The following WLS variants were observed in gnomAD, a reference collection of about 807,000 sequenced individuals.
WLS encodes the protein protein wntless homolog.
Under a neutral mutation model 62.8 loss-of-function variants are expected in WLS, and 23 were observed. The ratio of observed to expected loss-of-function variants is 0.37; its 90% CI spans 0.26 to 0.52. The LOEUF (loss-of-function observed/expected upper bound fraction) is 0.52, where lower values mean the gene tolerates loss of function less well. Ranked by LOEUF, WLS falls within the 20% of genes least tolerant of loss-of-function variation. The pLI is 0.92. For missense variants in WLS, 615 were observed against 697.3 expected (o/e 0.88, Z 1.33); for synonymous variants, 246 against 244.1 (o/e 1.01, Z -0.07).
At position 68,145,996 on chromosome 1, in the gene WLS, A is replaced by G; in HGVS notation, c.1151T>C (p.Val384Ala). 1 of 1,614,186 alleles carries G rather than the reference A, an allele frequency of 6.2e-7. No individual in the cohort carries two copies. Residue 384 changes from valine to alanine, a missense_variant, in exon 9 of 12, where the codon GTG becomes GCG. By Grantham distance (64) the Val-to-Ala change is moderately conservative. Coordinates refer to ENST00000262348, the MANE Select transcript of WLS (RefSeq NM_024911.7). ...GTAGAGGCAGAGGCAGATTCCAGCC[A>G]CGATGATGAAGGCCATCTGGTCGTG... ...GTELAMAFIIVAGICLCLYFL... is the reference protein window; with the variant it reads ...GTELAMAFIIAAGICLCLYFL...
intron 2 of WLS, among the ~76,000 whole-genome samples, chr1:68,175,579 T>G (rs1216729760): frequency 6.6e-6 from 1 of 152,216 alleles, no homozygotes; most frequent in Admixed American, 6.5e-5. Flanking sequence ...ATTTCATGAA[T>G]GTAGAAATCT....
chr1:68,130,889 CTTTTTTTTTTT>C (rs56038722), intron 11 of WLS, among the ~76,000 whole-genome samples: 3 of 100,838 alleles, frequency 3.0e-5, no homozygotes, highest in Admixed American at 1.2e-4. Context: ...GTTTCTTCTT[CTTTTTTTTTTT>C]TTTTTTTTTT....
At chr1:68,099,557 T>C (rs1425102116) in intron 11 of WLS, among the ~76,000 whole-genome samples, 1 of 152,208 alleles carries the variant, frequency 6.6e-6, no homozygotes, top group African/African-American at 2.4e-5. Flanking sequence ...AAGTCCCTTA[T>C]GTAAAATGGC....
At chr1:68,144,428 A>T in intron 10 of WLS, 141 bp downstream of exon 10, 1 of 706,968 alleles carries the variant, frequency 1.4e-6, no homozygotes, top group Non-Finnish European at 2.2e-6. Flanking sequence ...TGATATCAAG[A>T]CCCAGAAAAA....
At chr1:68,183,885 A>C (rs1647745443) in intron 2 of WLS, among the ~76,000 whole-genome samples, 1 of 152,062 alleles carries the variant, frequency 6.6e-6, no homozygotes, top group Admixed American at 6.5e-5. Context: ...GGGGAAAGAA[A>C]AATCACTTGC....
chr1:68,189,018 A>G (rs1473109534), intron 2 of WLS, among the ~76,000 whole-genome samples: 2 of 152,236 alleles, frequency 1.3e-5, no homozygotes, highest in African/African-American at 4.8e-5. Context: ...AAAATATTAG[A>G]TGAAAAATTC....
Position 68,125,939 on chromosome 1 carries a change from C to A in WLS, c.*287G>T. Reference sequence around the variant, plus strand: ...CCCACCCCCACATGAGGTTTACTAACCAGCTGCTACAGATGTTACTATGTC... The same window carrying A: ...CCCACCCCCACATGAGGTTTACTAAACAGCTGCTACAGATGTTACTATGTC... On this transcript the variant is annotated 3_prime_UTR_variant, in exon 12 of 12. Coordinates refer to ENST00000262348, the MANE Select transcript of WLS (RefSeq NM_024911.7). 8.2e-6 allele frequency: 9 copies of A among 1,101,738 alleles called. No homozygotes were observed. The highest frequency in any genetic ancestry group is 8.9e-6 in the Non-Finnish European group (8 of 902,300). 68.2% of individuals were successfully genotyped at this position (1,101,738 alleles called of 1,614,324 possible).
intron 1 of WLS, among the ~76,000 whole-genome samples, chr1:68,205,781 A>T (rs546099357): frequency 6.6e-6 from 1 of 152,238 alleles, no homozygotes; most frequent in Non-Finnish European, 1.5e-5. Context: ...TTCTGAGATC[A>T]AAACTACAAA....
At chr1:68,132,892 G>A (rs1177127469) in intron 11 of WLS, among the ~76,000 whole-genome samples, 1 of 152,108 alleles carries the variant, frequency 6.6e-6, no homozygotes, top group Admixed American at 6.5e-5. Context: ...ATGTGTGCAG[G>A]GCTTTGCTGC....
intron 1 of WLS, chr1:68,202,776 C>T (rs1404469241): frequency 6.6e-6 from 1 of 152,140 alleles, no homozygotes. Flanking sequence ...GCTATGATGT[C>T]AGAAACCCAG....
chr1:68,138,080 C>T, intron 10 of WLS, 147 bp from the exon 11 acceptor site: 1 of 918,288 alleles, frequency 1.1e-6, no homozygotes, highest in Non-Finnish European at 1.6e-6. Context: ...ATCTTTTAAT[C>T]TGAATCATTT....
chr1:68,110,147 G>A (rs1646205444), intron 11 of WLS, among the ~76,000 whole-genome samples: 1 of 151,460 alleles, frequency 6.6e-6, no homozygotes, highest in African/African-American at 2.4e-5. Context: ...TGAGAAAAGT[G>A]AAGGTATAAA....
At chr1:68,204,768 A>G (rs148295412) in intron 1 of WLS, among the ~76,000 whole-genome samples, 3,075 of 152,092 alleles carry the variant, frequency 0.02, 65 homozygotes, top group Admixed American at 0.063. Context: ...GCCTCCTCTG[A>G]TTTTCCTTCA....
At chr1:68,222,675 C>T (rs1043204640) in intron 1 of WLS, among the ~76,000 whole-genome samples, 13 of 152,082 alleles carry the variant, frequency 8.5e-5, no homozygotes, top group Non-Finnish European at 2.9e-5. Flanking sequence ...TCCTGGGACT[C>T]GAATTCCTTC....
chr1:68,130,942 G>C (rs1570850648), intron 11 of WLS, among the ~76,000 whole-genome samples: 2 of 142,722 alleles, frequency 1.4e-5, no homozygotes, highest in Admixed American at 1.5e-4. Context: ...CACCCAGGCT[G>C]GAGTGGAGTG....
intron 4 of WLS, 82 bp from the exon 5 acceptor site, chr1:68,153,735 G>T (rs967124012): frequency 5.6e-5 from 89 of 1,582,262 alleles, no homozygotes; most frequent in Non-Finnish European, 7.6e-5. Context: ...TGTGGGAGAG[G>T]TAAGTGGAGA....
chr1:68,124,409 CA>C (rs529386023), downstream of WLS, among the ~76,000 whole-genome samples: 105 of 152,326 alleles, frequency 6.9e-4, 4 homozygotes, highest in South Asian at 0.021. Context: ...CGACCTTATC[CA>C]AACATTGTCC....
Position 68,155,135 on chromosome 1 carries a change from A to T in WLS, c.630T>A (p.Asn210Lys), listed in dbSNP as rs747315006. The change falls in exon 4 of 12, where the codon AAT (asparagine) becomes AAA (lysine). Residue 210 changes from asparagine to lysine, a missense_variant. By Grantham distance (94) the Asn-to-Lys change is moderately conservative. Transcript: ENST00000262348. ...TATCCTTTATCTCCCCAATTCCCACATTGATTTTCTTCTTCTCATTCACAG... is the reference window on the plus strand; with the variant it reads ...TATCCTTTATCTCCCCAATTCCCACTTTGATTTTCTTCTTCTCATTCACAG... ...RLPVNEKKKI[N>K]VGIGEIKDIR... The T allele has an allele frequency of 6.2e-7, 1 of 1,613,974 alleles. No homozygotes were observed. The highest frequency in any genetic ancestry group is 8.5e-7 in the Non-Finnish European group (1 of 1,179,944).
chr1:68,232,382 C>T lies in WLS; in HGVS notation c.-83G>A. 6.6e-7 allele frequency: 1 copy of T among 1,512,342 alleles called. No homozygotes were observed. 93.7% of individuals were successfully genotyped at this position (1,512,342 alleles called of 1,614,324 possible). A position where few individuals can be genotyped will look rare whatever the true frequency, so the allele number is the denominator to read the frequency against. On this transcript the variant is annotated 5_prime_UTR_variant, in exon 1 of 12. Coordinates refer to ENST00000262348, the MANE Select transcript of WLS (RefSeq NM_024911.7). ...TGCTCCCTCCTCTCACACACTCCCTCCTTCCTCGCCTCCTTTCTGGGCGCT... is the reference window on the plus strand; with the variant it reads ...TGCTCCCTCCTCTCACACACTCCCTTCTTCCTCGCCTCCTTTCTGGGCGCT...
Sources: gnomAD v4.1 joint callset for allele counts (sites outside exome capture counted in the v4.1 genomes callset) on GRCh38, gnomAD v4.1.1 for gene constraint, MANE v1.5 for transcripts, NCBI Gene and HGNC (gene_info 2026-07-23, HGNC 2026-07-21) for gene names.